The following SHISA9 variants were observed in gnomAD, a reference collection of about 807,000 sequenced individuals.
SHISA9 encodes the protein shisa family member 9.
A neutral mutation model predicts 38.0 loss-of-function variants in SHISA9; 13 were observed. That is an observed-to-expected ratio of 0.34 (90% confidence interval 0.22 to 0.54). The LOEUF is 0.54. Ranked by LOEUF, SHISA9 falls within the 20% of genes least tolerant of loss-of-function variation. The pLI is 0.91. For synonymous variants in SHISA9, 275 were observed against 242.0 expected, an observed-to-expected ratio of 1.14 and a Z score of -1.27; for missense variants, 538 against 575.8, an observed-to-expected ratio of 0.93 and a Z score of 0.67.
chr16:12,908,478 G>A (rs1846014281), intron 1 of SHISA9: 2 of 1,552,152 alleles, frequency 1.3e-6, no homozygotes, highest in African/African-American at 2.7e-5. Context: ...CCATGAGGTA[G>A]GCTCTATGAC....
the SHISA9 span, among the ~76,000 whole-genome samples, chr16:13,424,130 C>T: frequency 6.6e-6 from 1 of 152,200 alleles, no homozygotes; most frequent in Non-Finnish European, 1.5e-5. Context: ...ACAGTATGTA[C>T]AGGAAGGGCA....
intron 2 of SHISA9, among the ~76,000 whole-genome samples, chr16:13,123,815 C>A (rs1390212848): frequency 6.6e-6 from 1 of 152,194 alleles, no homozygotes; most frequent in African/African-American, 2.4e-5. Context: ...GGCCACATTT[C>A]AAATCCTGGC....
At chr16:13,454,611 T>C in the SHISA9 span, among the ~76,000 whole-genome samples, 1 of 152,154 alleles carries the variant, frequency 6.6e-6, no homozygotes, top group Non-Finnish European at 1.5e-5. Context: ...AGTGACAAAA[T>C]GGCGATTCAA....
At chr16:12,929,206 T>C (rs968308947) in intron 2 of SHISA9, among the ~76,000 whole-genome samples, 1 of 152,176 alleles carries the variant, frequency 6.6e-6, no homozygotes, top group African/African-American at 2.4e-5. Flanking sequence ...GTAAATTAGT[T>C]CAACCATTGT....
At chr16:13,561,876 A>C in the SHISA9 span, among the ~76,000 whole-genome samples, 60 of 152,342 alleles carry the variant, frequency 3.9e-4, no homozygotes, top group South Asian at 0.012. Flanking sequence ...TAAGAAAAAA[A>C]AAAGCAAAAG....
At chr16:13,462,332 C>G in the SHISA9 span, among the ~76,000 whole-genome samples, 1 of 152,044 alleles carries the variant, frequency 6.6e-6, no homozygotes, top group Non-Finnish European at 1.5e-5. Flanking sequence ...AAAAGTAATT[C>G]AGACAAAAGA....
At chr16:12,986,847 C>T (rs1462265526) in intron 2 of SHISA9, among the ~76,000 whole-genome samples, 1 of 152,128 alleles carries the variant, frequency 6.6e-6, no homozygotes, top group Non-Finnish European at 1.5e-5. Context: ...AGGAACCTGC[C>T]CAGGTTCATG....
chr16:13,305,410 A>T, the SHISA9 span, among the ~76,000 whole-genome samples: 1 of 152,330 alleles, frequency 6.6e-6, no homozygotes, highest in South Asian at 2.1e-4. Flanking sequence ...GGGCTAGCCT[A>T]GGAATGTACT....
chr16:13,342,451 C>G, the SHISA9 span, among the ~76,000 whole-genome samples: 1 of 152,154 alleles, frequency 6.6e-6, no homozygotes, highest in African/African-American at 2.4e-5. Flanking sequence ...CCATGTCCAG[C>G]TAATTTTTTT....
the SHISA9 span, among the ~76,000 whole-genome samples, chr16:13,556,061 C>T: frequency 6.6e-6 from 1 of 152,158 alleles, no homozygotes; most frequent in African/African-American, 2.4e-5. Context: ...CTATGCAAAG[C>T]ACTTAGCCTA....
At chr16:12,930,894 A>G (rs1229398147) in intron 2 of SHISA9, among the ~76,000 whole-genome samples, 3 of 152,176 alleles carry the variant, frequency 2.0e-5, no homozygotes, top group African/African-American at 7.2e-5. Context: ...TTCATATCCT[A>G]TAATAAGGCA....
At chr16:12,987,629 G>A (rs1223804834) in intron 2 of SHISA9, among the ~76,000 whole-genome samples, 1 of 152,154 alleles carries the variant, frequency 6.6e-6, no homozygotes, top group Non-Finnish European at 1.5e-5. Context: ...AGGATAAATA[G>A]CTAATGCATG....
intron 2 of SHISA9, among the ~76,000 whole-genome samples, chr16:13,070,528 G>A (rs1008132161): frequency 3.3e-5 from 5 of 152,232 alleles, no homozygotes; most frequent in African/African-American, 1.2e-4. Context: ...GGCTGCTAGG[G>A]CTTCTCAGCC....
chr16:13,110,543 C>T (rs13334159), intron 2 of SHISA9, among the ~76,000 whole-genome samples: 8,127 of 152,234 alleles, frequency 0.053, 354 homozygotes, highest in Admixed American at 0.14. Flanking sequence ...TTTTCAGCCT[C>T]AATGACTGCT....
chr16:13,310,131 A>G, the SHISA9 span, among the ~76,000 whole-genome samples: 1 of 152,128 alleles, frequency 6.6e-6, no homozygotes, highest in Admixed American at 6.5e-5. Flanking sequence ...CAGGTGATCC[A>G]CCTGCCTCGG....
chr16:13,088,436 C>G (rs1030212199), intron 2 of SHISA9, among the ~76,000 whole-genome samples: 1 of 152,150 alleles, frequency 6.6e-6, no homozygotes, highest in Admixed American at 6.5e-5. Flanking sequence ...TTGATTCTTC[C>G]TATCCATGAG....
At chr16:13,419,393 A>G in the SHISA9 span, among the ~76,000 whole-genome samples, 1 of 152,256 alleles carries the variant, frequency 6.6e-6, no homozygotes, top group Non-Finnish European at 1.5e-5. Flanking sequence ...TCTCAAAACT[A>G]GAAATATTTT....
intron 2 of SHISA9, among the ~76,000 whole-genome samples, chr16:13,069,599 G>T (rs534980356): frequency 1.3e-5 from 2 of 152,164 alleles, no homozygotes; most frequent in Admixed American, 6.5e-5. Flanking sequence ...TGATGTATGT[G>T]TGCATGTGTG....
chr16:13,407,621 A>AT, the SHISA9 span, among the ~76,000 whole-genome samples: 1 of 152,170 alleles, frequency 6.6e-6, no homozygotes, highest in African/African-American at 2.4e-5. Context: ...TCATTCAGAT[A>AT]TTCAGGGTAA....
Sources: allele counts gnomAD v4.1 joint callset (sites outside exome capture counted in the v4.1 genomes callset), GRCh38; gene constraint gnomAD v4.1.1; transcripts MANE v1.5; gene names NCBI Gene and HGNC (gene_info 2026-07-23, HGNC 2026-07-21).